ARHGEF38: variants seen among roughly 807,000 people sequenced by gnomAD.
ARHGEF38 encodes the protein Rho guanine nucleotide exchange factor 38.
ARHGEF38 carries 79 observed loss-of-function variants against 79.9 expected under a neutral mutation model. The ratio of observed to expected loss-of-function variants is 0.99; its 90% CI spans 0.82 to 1.19. ARHGEF38 has a LOEUF of 1.19. ARHGEF38 is among the 50% of genes most tolerant of loss of function. The pLI, the probability that ARHGEF38 is intolerant of heterozygous loss-of-function variation, is 0.00. For synonymous variants in ARHGEF38, 366 were observed against 328.3 expected, an observed-to-expected ratio of 1.11 and a Z score of -1.24; for missense variants, 962 against 907.2, an observed-to-expected ratio of 1.06 and a Z score of -0.78.
At chr4:105,570,786 A>G (rs1355929918) in intron 1 of ARHGEF38, among the ~76,000 whole-genome samples, 1 of 152,170 alleles carries the variant, frequency 6.6e-6, no homozygotes, top group Non-Finnish European at 1.5e-5. Flanking sequence ...TGGTATATAT[A>G]CACAATGGAG....
chr4:105,654,209 ATCT>A, intron 8 of ARHGEF38, 40 bp downstream of exon 8: 3 of 1,166,430 alleles, frequency 2.6e-6, no homozygotes, highest in Non-Finnish European at 3.6e-6. Context: ...CTACAGGAAC[ATCT>A]GATACAAACC....
intron 13 of ARHGEF38, among the ~76,000 whole-genome samples, chr4:105,669,645 C>A (rs890165057): frequency 5.9e-5 from 9 of 151,954 alleles, no homozygotes; most frequent in African/African-American, 2.2e-4. Flanking sequence ...ATAATTAATC[C>A]ATTTTTAAGT....
chr4:105,618,398 G>A (rs981077515), intron 3 of ARHGEF38, among the ~76,000 whole-genome samples: 1 of 152,192 alleles, frequency 6.6e-6, no homozygotes, highest in South Asian at 2.1e-4. Context: ...AGCACTTTGG[G>A]AGGCTGATGT....
intron 2 of ARHGEF38, among the ~76,000 whole-genome samples, chr4:105,605,236 G>A (rs1727989233): frequency 6.6e-6 from 1 of 151,980 alleles, no homozygotes; most frequent in Admixed American, 6.6e-5. Flanking sequence ...TAATAACTTT[G>A]CTTTTCTATT....
Position 105,680,078 on chromosome 4 carries a change from T to C in ARHGEF38, c.*2141T>C. The C allele has an allele frequency of 1.3e-6, 1 of 773,522 alleles. No individual in the cohort carries two copies. Among genetic ancestry groups the C allele is most frequent in the Non-Finnish European group, 2.4e-6 (1 of 421,326 alleles). The allele number at this position is 773,522 out of a possible 1,614,324, so 47.9% of individuals were successfully genotyped here. Reference sequence around the variant, plus strand: ...AATAGCCCTCCCTTCAGATCCACTGTAGACTTGAAGGACATCTCATTTTCA... The same window carrying C: ...AATAGCCCTCCCTTCAGATCCACTGCAGACTTGAAGGACATCTCATTTTCA... On this transcript the variant is annotated 3_prime_UTR_variant, in exon 14 of 14. Coordinates refer to ENST00000420470, the MANE Select transcript of ARHGEF38 (RefSeq NM_001242729.2).
At chr4:105,657,522 G>T (rs1202618862) in intron 9 of ARHGEF38, among the ~76,000 whole-genome samples, 2 of 151,970 alleles carry the variant, frequency 1.3e-5, no homozygotes, top group African/African-American at 2.4e-5. Context: ...AAATAATAAA[G>T]TCTAATTCTT....
Position 105,659,886 on chromosome 4 carries a change from T to TGTGCGC in ARHGEF38, c.1545+523_1545+524insGCGCGT, listed in dbSNP as rs35842406. Among the ~76,000 whole-genome samples, 61 of 150,638 alleles carry TGTGCGC rather than the reference T, an allele frequency of 4.0e-4. 1 individual carries two copies. The highest frequency in any genetic ancestry group is 7.3e-4 in the Admixed American group (11 of 15,122). On this transcript the variant is annotated intron_variant, in intron 10 of 13. Transcript: ENST00000420470. Reference sequence around the variant, plus strand: ...GTGTGTGTGTGTGTGTGTGTGTGTGTGTAGCTTCGCCTCCCATTAGGATAT... The same window carrying TGTGCGC: ...GTGTGTGTGTGTGTGTGTGTGTGTGTGTGCGCGTAGCTTCGCCTCCCATTAGGATAT...
chr4:105,676,295 T>C (rs17036098), intron 13 of ARHGEF38, among the ~76,000 whole-genome samples: 57,408 of 152,144 alleles, frequency 0.38, 15,912 homozygotes, highest in African/African-American at 0.78. Flanking sequence ...GACATATTCA[T>C]GCCTTTTGTC....
At chr4:105,604,044 G>A (rs1560715390) in intron 2 of ARHGEF38, among the ~76,000 whole-genome samples, 1 of 152,120 alleles carries the variant, frequency 6.6e-6, no homozygotes, top group South Asian at 2.1e-4. Flanking sequence ...AAGAAAACAT[G>A]ATATGGACTA....
intron 7 of ARHGEF38, 53 bp from the exon 8 acceptor site, chr4:105,654,012 T>TA (rs1368835912): frequency 9.0e-7 from 1 of 1,106,638 alleles, no homozygotes; most frequent in African/African-American, 1.6e-5. Flanking sequence ...TGTGCTATTT[T>TA]AAAAAATATC....
chr4:105,570,324 G>A (rs780444753), intron 1 of ARHGEF38: 3 of 152,190 alleles, frequency 2.0e-5, no homozygotes, highest in Non-Finnish European at 2.9e-5. Context: ...TGCAGTAATA[G>A]TGTATAATGC....
At chr4:105,561,539 A>AGAATAGAATG (rs1459477083) in intron 1 of ARHGEF38, 12 of 146,402 alleles carry the variant, frequency 8.2e-5, no homozygotes, top group Non-Finnish European at 1.7e-4. Context: ...AGAATAGAAT[A>AGAATAGAATG]GAAAAGTTTC....
chr4:105,667,723 A>G lies in ARHGEF38; in HGVS notation c.2148+20A>G. On this transcript the variant is annotated intron_variant, in intron 13 of 13. Transcript: ENST00000420470. Reference sequence around the variant, plus strand: ...GAACAGGTAAAAATTTGATGTAAAAATATGTGGTTGTTCAAATCATGAAAG... The same window carrying G: ...GAACAGGTAAAAATTTGATGTAAAAGTATGTGGTTGTTCAAATCATGAAAG... The G allele has an allele frequency of 6.5e-7, 1 of 1,535,784 alleles. No individual in the cohort carries two copies. Among genetic ancestry groups the G allele is most frequent in the Non-Finnish European group, 8.7e-7 (1 of 1,146,748 alleles).
chr4:105,553,805 C>T (rs1725118003), intron 1 of ARHGEF38, among the ~76,000 whole-genome samples: 2 of 152,136 alleles, frequency 1.3e-5, no homozygotes, highest in Admixed American at 1.3e-4. Context: ...TCCTCCAGAA[C>T]TTGCCTCTCC....
intron 13 of ARHGEF38, among the ~76,000 whole-genome samples, chr4:105,670,036 G>A (rs1730907327): frequency 1.3e-5 from 2 of 152,114 alleles, no homozygotes. Context: ...CCACTCACCA[G>A]TTGATGGTCA....
At chr4:105,561,474 A>AATGGAATGGAATGGAATGGAATG (rs1725589170) in intron 1 of ARHGEF38, 3 of 50,808 alleles carry the variant, frequency 5.9e-5, no homozygotes, top group African/African-American at 8.3e-5. Context: ...AGAATAGAAT[A>AATGGAATGGAATGGAATGGAATG]GAATAGAATA....
chr4:105,618,152 T>C (rs575763233), intron 3 of ARHGEF38, among the ~76,000 whole-genome samples: 12 of 152,222 alleles, frequency 7.9e-5, no homozygotes, highest in Non-Finnish European at 1.3e-4. Context: ...TAATTTCCTC[T>C]GAGCTCAATA....
intron 13 of ARHGEF38, among the ~76,000 whole-genome samples, chr4:105,671,415 C>T (rs1730954367): frequency 6.6e-6 from 1 of 152,186 alleles, no homozygotes; most frequent in Non-Finnish European, 1.5e-5. Context: ...GGAAATATCT[C>T]CCTTAATGTC....
chr4:105,559,889 G>T (rs1439916178), intron 1 of ARHGEF38, among the ~76,000 whole-genome samples: 2 of 152,130 alleles, frequency 1.3e-5, no homozygotes, highest in Admixed American at 6.6e-5. Flanking sequence ...CTAGCCAGAT[G>T]CTGTCACACA....
Sources: allele counts gnomAD v4.1 joint callset (sites outside exome capture counted in the v4.1 genomes callset), GRCh38; gene constraint gnomAD v4.1.1; transcripts MANE v1.5; gene names NCBI Gene and HGNC (gene_info 2026-07-23, HGNC 2026-07-21).